PILRA: variants seen among roughly 807,000 people sequenced by gnomAD.
PILRA encodes the protein paired immunoglobulin-like type 2 receptor alpha.
In PILRA, 37 loss-of-function variants were observed where a neutral mutation model predicts 33.1. The observed-to-expected ratio is 1.12, with a 90% CI of 0.86 to 1.47. The LOEUF (loss-of-function observed/expected upper bound fraction) is 1.47, where lower values mean the gene tolerates loss of function less well. Ranked by LOEUF, PILRA falls within the 40% of genes most tolerant of loss-of-function variation. The pLI is 0.00. For missense variants in PILRA, 312 were observed against 376.2 expected, an observed-to-expected ratio of 0.83 and a Z score of 1.41; for synonymous variants, 146 against 149.9, an observed-to-expected ratio of 0.97 and a Z score of 0.19.
intron 2 of PILRA, among the ~76,000 whole-genome samples, chr7:100,379,668 CAA>C (rs57322009): frequency 3.8e-3 from 262 of 69,024 alleles, no homozygotes; most frequent in African/African-American, 0.012. Context: ...ACTCTGTCTC[CAA>C]AAAAAAAAAA....
upstream of PILRA, among the ~76,000 whole-genome samples, chr7:100,372,015 C>CCCCCACATTGGACCTG (rs1397711184): frequency 6.6e-6 from 1 of 152,210 alleles, no homozygotes; most frequent in Non-Finnish European, 1.5e-5. Context: ...CATTGGACAG[C>CCCCCACATTGGACCTG]CTGGTAAGCA....
chr7:100,391,382 T>A (rs867870214), intron 3 of PILRA, among the ~76,000 whole-genome samples: 20 of 151,678 alleles, frequency 1.3e-4, no homozygotes, highest in South Asian at 2.1e-4. Context: ...TTAAAAAAAA[T>A]TTTTTATAAA....
intron 2 of PILRA, among the ~76,000 whole-genome samples, chr7:100,377,435 G>A (rs998580365): frequency 2.9e-4 from 44 of 151,562 alleles, no homozygotes; most frequent in Admixed American, 5.9e-4. Flanking sequence ...TAGAGACGGG[G>A]TTTCACCGTG....
chr7:100,372,184 G>C (rs1352479209), upstream of PILRA, among the ~76,000 whole-genome samples: 4 of 152,040 alleles, frequency 2.6e-5, no homozygotes, highest in African/African-American at 9.7e-5. Flanking sequence ...GGGTTGAATG[G>C]AGATAATGTG....
Position 100,374,370 on chromosome 7 carries a change from A to G in PILRA, c.391A>G (p.Thr131Ala). 1 of 1,614,110 alleles carries G rather than the reference A, an allele frequency of 6.2e-7. No individual in the cohort carries two copies. Among genetic ancestry groups the G allele is most frequent in the Non-Finnish European group, 8.5e-7 (1 of 1,179,998 alleles). Residue 131 changes from threonine to alanine, a missense_variant, in exon 2 of 7, where the codon ACA (threonine) becomes GCA (alanine). Thr to Ala is a moderately conservative substitution (Grantham distance 58, BLOSUM62 0). Transcript: ENST00000198536. Reference sequence around the variant, plus strand: ...GTATTTCTGCCGAGTTGAGCTGGACACACGGAGCTCAGGGAGGCAGCAGTG... The same window carrying G: ...GTATTTCTGCCGAGTTGAGCTGGACGCACGGAGCTCAGGGAGGCAGCAGTG... ...SVYFCRVELD[T>A]RSSGRQQWQS...
chr7:100,375,873 G>A lies in PILRA; in HGVS notation c.454+1440G>A, dbSNP rs111754591. 3.5e-3 allele frequency among the ~76,000 whole-genome samples: 537 copies of A among 152,348 alleles called. 4 individuals carry two copies. The highest frequency in any genetic ancestry group is 0.012 in the African/African-American group (509 of 41,588). On this transcript the variant is annotated intron_variant, in intron 2 of 6. Transcript: ENST00000198536. ...TTGACCTACTTTTGAACCTAGTGATGGGATGTGTTGCACTAATAGATCTTC... is the reference window on the plus strand; with the variant it reads ...TTGACCTACTTTTGAACCTAGTGATAGGATGTGTTGCACTAATAGATCTTC...
intron 2 of PILRA, 172 bp downstream of exon 2, chr7:100,374,605 C>T: frequency 1.4e-6 from 1 of 733,052 alleles, no homozygotes; most frequent in East Asian, 2.7e-5. Context: ...TTTCTCTTCC[C>T]CTTGTCTCCA....
At chr7:100,387,364 C>T (rs966196887) in intron 2 of PILRA, among the ~76,000 whole-genome samples, 4 of 152,150 alleles carry the variant, frequency 2.6e-5, no homozygotes, top group Non-Finnish European at 5.9e-5. Flanking sequence ...CAGGCACCCG[C>T]CACCACACCC....
intron 1 of PILRA, 149 bp from the exon 2 acceptor site, chr7:100,373,895 G>GA: frequency 8.1e-7 from 1 of 1,241,020 alleles, no homozygotes; most frequent in East Asian, 2.5e-5. Context: ...CCCCATGCCT[G>GA]AAGAGTGGGA....
In PILRA at chr7:100,373,633, C is replaced by A; in HGVS notation, c.-24C>A. On this transcript the variant is annotated 5_prime_UTR_variant, in exon 1 of 7. Transcript: ENST00000198536. ...GCCTGGACGGCTCTGCTGGTCTCCC[C>A]GTCCCCTGGAGAAGAACAAGGCCAT... The A allele has an allele frequency of 6.2e-7, 1 of 1,613,286 alleles. No individual in the cohort carries two copies. Among genetic ancestry groups the A allele is most frequent in the Non-Finnish European group, 8.5e-7 (1 of 1,179,880 alleles).
intron 5 of PILRA, 104 bp from the exon 6 acceptor site, chr7:100,399,477 G>A: frequency 6.9e-7 from 1 of 1,449,494 alleles, no homozygotes; most frequent in Non-Finnish European, 9.7e-7. Context: ...ACGTGACCCT[G>A]GCCCTGACCT....
intron 2 of PILRA, among the ~76,000 whole-genome samples, chr7:100,387,336 C>T (rs1791276555): frequency 6.6e-6 from 1 of 152,182 alleles, no homozygotes; most frequent in South Asian, 2.1e-4. Flanking sequence ...GCCTCAGCCT[C>T]CCAAGTAGCT....
chr7:100,399,626 C>G lies in PILRA; in HGVS notation c.789+14C>G. 1.2e-6 allele frequency: 2 copies of G among 1,613,922 alleles called. No individual in the cohort carries two copies. Among genetic ancestry groups the G allele is most frequent in the Non-Finnish European group, 1.7e-6 (2 of 1,179,878 alleles). On this transcript the variant is annotated intron_variant, in intron 6 of 6. Transcript: ENST00000198536. ...CTAAATCCCAAGGTAAGCAATCAGA[C>G]CAGGGCCTGAAGGAATTAAAGAGAA...
At position 100,373,516 on chromosome 7, in the gene PILRA, C is replaced by T. The variant is rs1790863465; in HGVS notation, c.-141C>T. On this transcript the variant is annotated 5_prime_UTR_variant, in exon 1 of 7. Transcript: ENST00000198536. ...TGGAGGTGCACTGGTTTGGGGAAGG[C>T]TCCTGGCCCCCACAGCCCTCTTCGG... 1.2e-5 allele frequency: 11 copies of T among 882,704 alleles called. No homozygotes were observed. The highest frequency in any genetic ancestry group is 2.0e-5 in the Non-Finnish European group (11 of 540,180). 54.7% of individuals were successfully genotyped at this position (882,704 alleles called of 1,614,324 possible).
intron 2 of PILRA, among the ~76,000 whole-genome samples, chr7:100,380,980 C>A (rs948716946): frequency 6.7e-6 from 1 of 149,118 alleles, no homozygotes; most frequent in Non-Finnish European, 1.5e-5. Flanking sequence ...CCAAAAAAAA[C>A]AAAAACAAAA....
Position 100,373,568 on chromosome 7 carries a change from C to T in PILRA, c.-89C>T. The T allele has an allele frequency of 6.7e-7, 1 of 1,487,084 alleles. No individual in the cohort carries two copies. Among genetic ancestry groups the T allele is most frequent in the Non-Finnish European group, 9.3e-7 (1 of 1,071,080 alleles). The allele number at this position is 1,487,084 out of a possible 1,614,324, so 92.1% of individuals were successfully genotyped here. ...GCCTGAGCCCGGCTCTCCTCACTCA[C>T]CTCAACCCCCAGGCGGCCCCTCCAC... On this transcript the variant is annotated 5_prime_UTR_variant, in exon 1 of 7. Transcript: ENST00000198536.
chr7:100,399,439 T>C, intron 5 of PILRA, 99 bp downstream of exon 5: 1 of 1,390,162 alleles, frequency 7.2e-7, no homozygotes, highest in South Asian at 1.2e-5. Flanking sequence ...CAGTATTTTC[T>C]TCTTTCCATT....
upstream of PILRA, chr7:100,373,432 G>A (rs761074065): frequency 1.7e-6 from 1 of 605,280 alleles, no homozygotes; most frequent in Non-Finnish European, 2.9e-6. Flanking sequence ...GACCACAAGG[G>A]AGGCCCTTTT....
At chr7:100,374,466 C>G (rs747561669) in intron 2 of PILRA, 33 bp downstream of exon 2, 17 of 1,612,528 alleles carry the variant, frequency 1.1e-5, no homozygotes, top group Non-Finnish European at 1.4e-5. Flanking sequence ...CCGCTTTGCC[C>G]ACCGCAGTGA....
Sources: allele counts gnomAD v4.1 joint callset (sites outside exome capture counted in the v4.1 genomes callset), GRCh38; gene constraint gnomAD v4.1.1; transcripts MANE v1.5; gene names NCBI Gene and HGNC (gene_info 2026-07-23, HGNC 2026-07-21).